PDE1A: variants seen among roughly 807,000 people sequenced by gnomAD.
PDE1A encodes the protein dual specificity calcium/calmodulin-dependent 3',5'-cyclic nucleotide phosphodiesterase 1A.
Under a neutral mutation model 61.7 loss-of-function variants are expected in PDE1A, and 35 were observed. That is an observed-to-expected ratio of 0.57 (90% CI 0.43 to 0.75). PDE1A has a LOEUF of 0.75. Ranked by LOEUF, PDE1A falls within the 30% of genes least tolerant of loss-of-function variation. The probability of loss-of-function intolerance (pLI) is 0.00; values close to 1 mark genes in which losing one functional copy is unlikely to be tolerated. For missense variants in PDE1A, 597 were observed against 630.6 expected (o/e 0.95, Z 0.57); for synonymous variants, 232 against 213.2 (o/e 1.09, Z -0.77).
chr2:182,552,898 C>T, the PDE1A span, among the ~76,000 whole-genome samples: 16 of 152,284 alleles, frequency 1.1e-4, no homozygotes, highest in Middle Eastern at 3.4e-3. Flanking sequence ...AGCTTTCGCT[C>T]GCCATCCACC....
intron 1 of PDE1A, among the ~76,000 whole-genome samples, chr2:182,303,083 T>C (rs1199633407): frequency 2.0e-5 from 3 of 152,184 alleles, no homozygotes; most frequent in African/African-American, 4.8e-5. Flanking sequence ...TCCTTGAGGG[T>C]TGGAATCAAT....
intron 12 of PDE1A, 123 bp from the exon 13 acceptor site, chr2:182,186,202 G>C: frequency 9.7e-7 from 1 of 1,025,682 alleles, no homozygotes; most frequent in Non-Finnish European, 1.4e-6. Context: ...TCCCAGTTCT[G>C]AGCACGTGGC....
chr2:182,444,399 A>G (rs12693307), intron 2 of PDE1A, among the ~76,000 whole-genome samples: 69,770 of 151,498 alleles, frequency 0.46, 16,199 homozygotes, highest in East Asian at 0.65. Flanking sequence ...TTACAATAGC[A>G]CTTATACTTC....
the PDE1A span, among the ~76,000 whole-genome samples, chr2:182,679,248 A>G: frequency 6.6e-6 from 1 of 150,874 alleles, no homozygotes; most frequent in African/African-American, 2.4e-5. Flanking sequence ...CAGTGGTGCA[A>G]TCTCGGCTCA....
intron 1 of PDE1A, among the ~76,000 whole-genome samples, chr2:182,315,379 G>A (rs1696272836): frequency 6.6e-6 from 1 of 151,976 alleles, no homozygotes; most frequent in South Asian, 2.1e-4. Flanking sequence ...TTCTCTCTCA[G>A]AACTTACTTC....
the PDE1A span, among the ~76,000 whole-genome samples, chr2:182,658,195 C>A: frequency 6.6e-6 from 1 of 152,044 alleles, no homozygotes; most frequent in African/African-American, 2.4e-5. Flanking sequence ...AGAGGCTAGA[C>A]GTCCAAAGTC....
chr2:182,219,512 C>A (rs1473465450), intron 7 of PDE1A, among the ~76,000 whole-genome samples: 1 of 152,016 alleles, frequency 6.6e-6, no homozygotes, highest in Admixed American at 6.6e-5. Flanking sequence ...TATAAGTTGG[C>A]AAGTTGAATA....
At chr2:182,476,648 T>A (rs1438715216) in intron 2 of PDE1A, among the ~76,000 whole-genome samples, 1 of 151,942 alleles carries the variant, frequency 6.6e-6, no homozygotes, top group Non-Finnish European at 1.5e-5. Context: ...TAATGTGGAA[T>A]GTTGCAGGAT....
chr2:182,240,141 G>T (rs1559237970), exon 3 of PDE1A: 2 of 1,613,948 alleles, frequency 1.2e-6, no homozygotes, highest in Non-Finnish European at 1.7e-6. Context: ...TGAACAGCAT[G>T]CACAATGCTC....
chr2:182,164,826 G>T (rs1245979133), downstream of PDE1A, among the ~76,000 whole-genome samples: 1 of 152,108 alleles, frequency 6.6e-6, no homozygotes, highest in Admixed American at 6.6e-5. Flanking sequence ...TAGACACTTA[G>T]TATGGATATG....
intron 1 of PDE1A, among the ~76,000 whole-genome samples, chr2:182,361,244 A>C (rs1417580912): frequency 6.6e-6 from 1 of 152,122 alleles, no homozygotes; most frequent in Non-Finnish European, 1.5e-5. Flanking sequence ...TACATAGTAC[A>C]TGTGAAATAA....
the PDE1A span, among the ~76,000 whole-genome samples, chr2:182,693,355 C>T: frequency 2.6e-5 from 4 of 151,940 alleles, no homozygotes; most frequent in Non-Finnish European, 5.9e-5. Context: ...ATTTGTATTC[C>T]TTATTTAATA....
chr2:182,668,842 A>ACT, the PDE1A span, among the ~76,000 whole-genome samples: 4 of 150,752 alleles, frequency 2.7e-5, no homozygotes, highest in African/African-American at 7.3e-5. Flanking sequence ...CAGCAGCTTT[A>ACT]CTCTCTCTCT....
At chr2:182,544,826 T>C in the PDE1A span, among the ~76,000 whole-genome samples, 2 of 152,200 alleles carry the variant, frequency 1.3e-5, no homozygotes, top group Admixed American at 1.3e-4. Flanking sequence ...CTGTCTCATC[T>C]TTCTGGTTCA....
At chr2:182,534,075 CCT>C in the PDE1A span, among the ~76,000 whole-genome samples, 1 of 151,732 alleles carries the variant, frequency 6.6e-6, no homozygotes, top group South Asian at 2.1e-4. Flanking sequence ...ACTCATAACC[CCT>C]GAGAGGAAAT....
At chr2:182,710,475 T>TAA in the PDE1A span, among the ~76,000 whole-genome samples, 5 of 152,182 alleles carry the variant, frequency 3.3e-5, no homozygotes, top group Non-Finnish European at 7.4e-5. Flanking sequence ...TCTTACAACT[T>TAA]AAAGTTTGTT....
chr2:182,274,942 T>C (rs1693301488), intron 1 of PDE1A, among the ~76,000 whole-genome samples: 1 of 152,024 alleles, frequency 6.6e-6, no homozygotes, highest in South Asian at 2.1e-4. Flanking sequence ...AACTTCTGAG[T>C]TGCTTAGCAA....
intron 1 of PDE1A, among the ~76,000 whole-genome samples, chr2:182,386,054 T>C (rs1331097468): frequency 6.6e-6 from 1 of 152,322 alleles, no homozygotes; most frequent in East Asian, 1.9e-4. Flanking sequence ...GGGGTTTCGC[T>C]GTGTTGGCCG....
intron 13 of PDE1A, among the ~76,000 whole-genome samples, chr2:182,157,611 G>T (rs1014639224): frequency 6.6e-6 from 1 of 151,910 alleles, no homozygotes; most frequent in East Asian, 1.9e-4. Flanking sequence ...TTTTCTCTTC[G>T]TTTTTTTCGT....
Sources: gnomAD v4.1 joint callset for allele counts (sites outside exome capture counted in the v4.1 genomes callset) on GRCh38, gnomAD v4.1.1 for gene constraint, MANE v1.5 for transcripts, NCBI Gene and HGNC (gene_info 2026-07-23, HGNC 2026-07-21) for gene names.